Variants in PCSK5 observed in about 807,000 individuals in gnomAD.
PCSK5 encodes prohormone convertase 5.
A neutral mutation model predicts 233.2 loss-of-function variants in PCSK5; 129 were observed. The ratio of observed to expected loss-of-function variants is 0.55; its 90% CI spans 0.48 to 0.64. PCSK5 has a LOEUF of 0.64. PCSK5 is among the 30% of genes least tolerant of loss of function. PCSK5 has a pLI of 0.00. For missense variants in PCSK5, 2,076 were observed against 2,430.1 expected (o/e 0.85, Z 3.06); for synonymous variants, 825 against 879.2 (o/e 0.94, Z 1.09).
intron 30 of PCSK5, among the ~76,000 whole-genome samples, chr9:76,313,688 T>C (rs1251893357): frequency 6.6e-6 from 1 of 152,030 alleles, no homozygotes; most frequent in Non-Finnish European, 1.5e-5. Context: ...ACAAAACACA[T>C]AAAACAAAAA....
At chr9:76,343,542 C>T (rs1218893143) in intron 35 of PCSK5, among the ~76,000 whole-genome samples, 1 of 152,028 alleles carries the variant, frequency 6.6e-6, no homozygotes, top group East Asian at 1.9e-4. Context: ...GTATGAGGCC[C>T]TTCAGCATAG....
At chr9:76,018,634 G>T (rs1418549082) in intron 3 of PCSK5, among the ~76,000 whole-genome samples, 1 of 151,640 alleles carries the variant, frequency 6.6e-6, no homozygotes, top group Non-Finnish European at 1.5e-5. Context: ...GTGTCAAAAA[G>T]GTTGGGGACC....
chr9:76,194,584 A>T (rs990292282), intron 20 of PCSK5: 2 of 319,002 alleles, frequency 6.3e-6, no homozygotes, highest in African/African-American at 4.5e-5. Flanking sequence ...CTGAATGCTG[A>T]GATGATCTGT....
intron 27 of PCSK5, 21 bp downstream of exon 27, chr9:76,296,886 A>G: frequency 7.1e-7 from 1 of 1,408,930 alleles, no homozygotes; most frequent in Non-Finnish European, 1.0e-6. Flanking sequence ...CCCAAAAAAG[A>G]GGTCACAGGG....
At chr9:76,046,807 G>A (rs1829428802) in intron 5 of PCSK5, among the ~76,000 whole-genome samples, 1 of 151,738 alleles carries the variant, frequency 6.6e-6, no homozygotes, top group East Asian at 2.0e-4. Context: ...TGATCCGCCC[G>A]CCTCGGCCTC....
chr9:76,336,048 T>C (rs1220428175), intron 34 of PCSK5, among the ~76,000 whole-genome samples: 1 of 152,222 alleles, frequency 6.6e-6, no homozygotes, highest in Non-Finnish European at 1.5e-5. Context: ...GTTTCTTTTC[T>C]TGAGTCTTAT....
At chr9:76,200,487 C>G (rs1222049760) in intron 20 of PCSK5, among the ~76,000 whole-genome samples, 1 of 152,194 alleles carries the variant, frequency 6.6e-6, no homozygotes, top group Non-Finnish European at 1.5e-5. Flanking sequence ...TACTTGTTGT[C>G]AGCCAGCCCC....
At chr9:75,901,652 A>G (rs1280158949) in intron 1 of PCSK5, among the ~76,000 whole-genome samples, 1 of 151,402 alleles carries the variant, frequency 6.6e-6, no homozygotes, top group African/African-American at 2.4e-5. Flanking sequence ...AAAGATGAAG[A>G]CCACCTGTGG....
At chr9:75,942,135 G>T (rs4339707) in intron 2 of PCSK5, among the ~76,000 whole-genome samples, 2 of 151,940 alleles carry the variant, frequency 1.3e-5, no homozygotes, top group Non-Finnish European at 2.9e-5. Context: ...TAGCGCACTC[G>T]TTGCCTGCCC....
intron 3 of PCSK5, among the ~76,000 whole-genome samples, chr9:76,014,127 G>C (rs1045525288): frequency 6.6e-6 from 1 of 152,068 alleles, no homozygotes; most frequent in Non-Finnish European, 1.5e-5. Context: ...AGGGGACCGA[G>C]AGGGTGAAGA....
intron 5 of PCSK5, among the ~76,000 whole-genome samples, chr9:76,033,429 A>C (rs766666013): frequency 3.9e-5 from 6 of 152,308 alleles, no homozygotes; most frequent in Non-Finnish European, 7.3e-5. Flanking sequence ...AATATTTTCA[A>C]ATTTTTTTCT....
At chr9:76,047,098 ATCT>A (rs1006136751) in intron 5 of PCSK5, among the ~76,000 whole-genome samples, 4 of 150,344 alleles carry the variant, frequency 2.7e-5, no homozygotes, top group African/African-American at 4.9e-5. Flanking sequence ...CTTCAAGGAA[ATCT>A]TTTTTTTTTT....
intron 33 of PCSK5, among the ~76,000 whole-genome samples, chr9:76,331,088 C>A (rs1000974961): frequency 1.3e-5 from 2 of 152,166 alleles, no homozygotes; most frequent in Non-Finnish European, 2.9e-5. Context: ...GAAATGGGTG[C>A]AGATTTGCTC....
intron 3 of PCSK5, among the ~76,000 whole-genome samples, chr9:76,004,282 G>A (rs1827385845): frequency 6.6e-6 from 1 of 151,978 alleles, no homozygotes; most frequent in South Asian, 2.1e-4. Flanking sequence ...TAGATGAGGA[G>A]TTAAATATTT....
intron 14 of PCSK5, among the ~76,000 whole-genome samples, chr9:76,176,121 C>G (rs570046822): frequency 6.6e-6 from 1 of 151,712 alleles, no homozygotes; most frequent in African/African-American, 2.4e-5. Context: ...TATTCACATG[C>G]TTTGCTTGGT....
At chr9:75,952,483 C>G (rs899700890) in intron 2 of PCSK5, among the ~76,000 whole-genome samples, 5 of 152,062 alleles carry the variant, frequency 3.3e-5, no homozygotes, top group African/African-American at 1.2e-4. Context: ...TATATGGTAA[C>G]ATTTATCCTG....
At chr9:76,051,176 G>A (rs1166976008) in intron 5 of PCSK5, among the ~76,000 whole-genome samples, 1 of 152,170 alleles carries the variant, frequency 6.6e-6, no homozygotes, top group Non-Finnish European at 1.5e-5. Context: ...CATTTTTACT[G>A]TAAGCAGCAT....
chr9:76,350,528 G>T (rs546009930), intron 35 of PCSK5, among the ~76,000 whole-genome samples: 1 of 152,136 alleles, frequency 6.6e-6, no homozygotes, highest in Non-Finnish European at 1.5e-5. Flanking sequence ...GCAGAATAGC[G>T]AATAAAGGTT....
chr9:76,289,537 C>T (rs1014091663), intron 24 of PCSK5, among the ~76,000 whole-genome samples: 1 of 133,262 alleles, frequency 7.5e-6, no homozygotes, highest in African/African-American at 2.7e-5. Flanking sequence ...CACACACACA[C>T]ACACACACAC....
Sources: allele counts gnomAD v4.1 joint callset (sites outside exome capture counted in the v4.1 genomes callset), GRCh38; gene constraint gnomAD v4.1.1; transcripts MANE v1.5; gene names NCBI Gene and HGNC (gene_info 2026-07-23, HGNC 2026-07-21).